MDGA2: variants seen among roughly 807,000 people sequenced by gnomAD.
The protein encoded by MDGA2 is MAM domain-containing glycosylphosphatidylinositol anchor protein 2.
Under a neutral mutation model 117.8 loss-of-function variants are expected in MDGA2, and 40 were observed. The observed-to-expected ratio is 0.34, with a 90% CI of 0.26 to 0.44. MDGA2 has a LOEUF of 0.44. Among genes scored for constraint, MDGA2 ranks in the 20% least tolerant of loss-of-function variants. The pLI is 1.00. For synonymous variants in MDGA2, 452 were observed against 439.0 expected (o/e 1.03, Z -0.37); for missense variants, 1,123 against 1,250.6 (o/e 0.90, Z 1.54).
Position 47,202,520 on chromosome 14 carries a change from A to C in MDGA2, c.595+15501T>G, listed in dbSNP as rs560023139. ...ATCCTTCTTGGAGCTTTTGTCTCCT[A>C]TAACCTAGCATGCCATTTGTCGATA... On this transcript the variant is annotated intron_variant, in intron 3 of 16. Transcript: ENST00000399232. Among the ~76,000 whole-genome samples, 3 of 152,170 alleles carry C rather than the reference A, an allele frequency of 2.0e-5. No homozygotes were observed. In the South Asian group the frequency reaches 6.2e-4, roughly 32 times the overall value.
intron 4 of MDGA2, among the ~76,000 whole-genome samples, chr14:47,139,531 C>T (rs1284067819): frequency 6.6e-6 from 1 of 151,804 alleles, no homozygotes; most frequent in East Asian, 1.9e-4. Flanking sequence ...CTTGAATATA[C>T]TAGATCTTAT....
chr14:47,462,830 C>G lies in MDGA2; in HGVS notation c.281-161280G>C, dbSNP rs145011328. Among the ~76,000 whole-genome samples the G allele has an allele frequency of 1.4e-4, 21 of 152,270 alleles. No individual in the cohort carries two copies. In the East Asian group the frequency reaches 3.7e-3, roughly 27 times the overall value. ...AACTAAATAATTATTTGGACTTCTT[C>G]TTCATCCATCTCTCATATGGAAGTG... On this transcript the variant is annotated intron_variant, in intron 1 of 16. Coordinates refer to ENST00000399232, the MANE Select transcript of MDGA2 (RefSeq NM_001113498.3).
At chr14:47,643,784 A>G (rs1897473116) in intron 1 of MDGA2, among the ~76,000 whole-genome samples, 1 of 152,152 alleles carries the variant, frequency 6.6e-6, no homozygotes, top group South Asian at 2.1e-4. Context: ...TTTAGGAACA[A>G]CCAAGGCCAG....
Position 47,520,074 on chromosome 14 carries a change from C to G in MDGA2, c.280+154443G>C, listed in dbSNP as rs968663869. Among the ~76,000 whole-genome samples the G allele has an allele frequency of 7.2e-5, 11 of 152,172 alleles. No individual in the cohort carries two copies. In the East Asian group the frequency reaches 2.1e-3, roughly 29 times the overall value. On this transcript the variant is annotated intron_variant, in intron 1 of 16. Transcript: ENST00000399232. Reference sequence around the variant, plus strand: ...TGCCATGTCTATACACCTGGCTTAACAGATAGACTAATTCCAGATCTCAGA... The same window carrying G: ...TGCCATGTCTATACACCTGGCTTAAGAGATAGACTAATTCCAGATCTCAGA...
rs1223892047 is a variant in MDGA2, at chr14:47,674,571, G to T, written c.226C>A (p.Leu76Ile). Reference sequence around the variant, plus strand: ...AGGAGGACTGTCAGCAGCCACACGAGACCGTACAGTAAATCCATCTTCACG... The same window carrying T: ...AGGAGGACTGTCAGCAGCCACACGATACCGTACAGTAAATCCATCTTCACG... ...VHVKMDLLYG[L>I]VWLLTVLLEG... Residue 76 changes from leucine (L) to isoleucine (I), a missense_variant, in exon 1 of 17, where the codon CTC (leucine) becomes ATC (isoleucine). Around this residue, in one of 2 missense-constraint regions of MDGA2, gnomAD observed 233 missense variants for 200.3 expected, o/e 1.16. Coordinates refer to ENST00000399232, the MANE Select transcript of MDGA2 (RefSeq NM_001113498.3). The T allele has an allele frequency of 2.6e-6, 4 of 1,551,566 alleles. No homozygotes were observed. The highest frequency in any genetic ancestry group is 3.5e-6 in the Non-Finnish European group (4 of 1,146,894).
intron 1 of MDGA2, among the ~76,000 whole-genome samples, chr14:47,518,853 G>A (rs921098593): frequency 6.6e-5 from 10 of 152,106 alleles, no homozygotes; most frequent in Non-Finnish European, 1.5e-5. Flanking sequence ...AATTTTTACT[G>A]TTTTCATTTT....
In MDGA2 at chr14:47,060,088, A is replaced by T. The variant is rs537485716; in HGVS notation, c.1525+1161T>A. Among the ~76,000 whole-genome samples the T allele has an allele frequency of 2.0e-5, 3 of 152,218 alleles. No homozygotes were observed. In the East Asian group the frequency reaches 5.8e-4, roughly 29 times the overall value. ...AGCACCAACGTTTAAATATGTTAGA[A>T]TTTTTTTAAAAATGTTTTTATTGTC... On this transcript the variant is annotated intron_variant, in intron 7 of 16. Coordinates refer to ENST00000399232, the MANE Select transcript of MDGA2 (RefSeq NM_001113498.3).
At chr14:47,003,124 G>T (rs571033363) in intron 8 of MDGA2, among the ~76,000 whole-genome samples, 21 of 152,206 alleles carry the variant, frequency 1.4e-4, no homozygotes, top group Admixed American at 1.4e-3. Context: ...AAAAAAGCTG[G>T]CTTCTTCCAT....
intron 8 of MDGA2, among the ~76,000 whole-genome samples, chr14:47,008,131 C>A (rs1594521180): frequency 6.6e-6 from 1 of 151,880 alleles, no homozygotes; most frequent in African/African-American, 2.4e-5. Context: ...TATACTGAGT[C>A]TCATTCTATA....
intron 14 of MDGA2, among the ~76,000 whole-genome samples, chr14:46,865,269 T>C (rs191954772): frequency 8.6e-5 from 13 of 151,510 alleles, no homozygotes; most frequent in African/African-American, 3.2e-4. Context: ...TAATCCATTC[T>C]TGCAAAACTC....
intron 1 of MDGA2, among the ~76,000 whole-genome samples, chr14:47,562,720 A>G (rs1039637331): frequency 6.6e-6 from 1 of 151,876 alleles, no homozygotes; most frequent in African/African-American, 2.4e-5. Flanking sequence ...TTGCATTTCA[A>G]TTTCCTTCAG....
At chr14:47,205,530 A>G (rs532837428) in intron 3 of MDGA2, among the ~76,000 whole-genome samples, 1 of 152,110 alleles carries the variant, frequency 6.6e-6, no homozygotes, top group Non-Finnish European at 1.5e-5. Flanking sequence ...TCTATACTAC[A>G]AAAAACACTC....
chr14:47,521,752 AC>A (rs569313052), intron 1 of MDGA2, among the ~76,000 whole-genome samples: 250 of 152,006 alleles, frequency 1.6e-3, no homozygotes, highest in African/African-American at 5.7e-3. Context: ...GCTCACCACA[AC>A]CTCTTTCTCC....
At chr14:46,952,786 T>A (rs889506018) in intron 9 of MDGA2, among the ~76,000 whole-genome samples, 1 of 151,966 alleles carries the variant, frequency 6.6e-6, no homozygotes, top group African/African-American at 2.4e-5. Flanking sequence ...GAAGGCAGCA[T>A]AGTCAAATTT....
intron 5 of MDGA2, 114 bp downstream of exon 5, chr14:47,131,600 G>T: frequency 1.4e-6 from 1 of 734,134 alleles, no homozygotes; most frequent in East Asian, 2.6e-5. Flanking sequence ...GGGAATAAAG[G>T]TGCTTATTCC....
chr14:47,171,459 G>A (rs1359981171), intron 3 of MDGA2, among the ~76,000 whole-genome samples: 1 of 152,146 alleles, frequency 6.6e-6, no homozygotes, highest in East Asian at 1.9e-4. Flanking sequence ...CCAAGGAAGA[G>A]GCAATTTATA....
At chr14:47,284,783 G>GT (rs886748229) in intron 2 of MDGA2, among the ~76,000 whole-genome samples, 1 of 151,900 alleles carries the variant, frequency 6.6e-6, no homozygotes, top group African/African-American at 2.4e-5. Flanking sequence ...CTCTCCTGTG[G>GT]TAAGAAACTG....
chr14:46,902,363 C>A (rs1246441112), intron 10 of MDGA2, among the ~76,000 whole-genome samples: 2 of 152,036 alleles, frequency 1.3e-5, no homozygotes, highest in Non-Finnish European at 2.9e-5. Context: ...CACATTCTAT[C>A]TTTTCTCAAA....
chr14:47,101,081 A>AT (rs1323629316), intron 5 of MDGA2, among the ~76,000 whole-genome samples: 1 of 100,082 alleles, frequency 1.0e-5, no homozygotes, highest in African/African-American at 4.2e-5. Context: ...GGGACGATAG[A>AT]TAGATAGATA....
Sources: gnomAD v4.1 joint callset for allele counts (sites outside exome capture counted in the v4.1 genomes callset) on GRCh38, gnomAD v4.1.1 for gene constraint, gnomAD v4.1.1 regional missense constraint, MANE v1.5 for transcripts, NCBI Gene and HGNC (gene_info 2026-07-23, HGNC 2026-07-21) for gene names.